The following MACROD2 variants were observed in gnomAD, a reference collection of about 807,000 sequenced individuals.
The protein encoded by MACROD2 is ADP-ribose glycohydrolase MACROD2.
In MACROD2, 36 loss-of-function variants were observed where a neutral mutation model predicts 70.4. That is an observed-to-expected ratio of 0.51 (90% confidence interval 0.39 to 0.68). The LOEUF (loss-of-function observed/expected upper bound fraction) is 0.68. MACROD2 is among the 30% of genes least tolerant of loss of function. MACROD2 has a pLI of 0.00. For missense variants in MACROD2, 496 were observed against 538.4 expected, an observed-to-expected ratio of 0.92 and a Z score of 0.78; for synonymous variants, 172 against 178.8, an observed-to-expected ratio of 0.96 and a Z score of 0.30.
chr20:14,517,734 A>AT (rs889218168), intron 4 of MACROD2, among the ~76,000 whole-genome samples: 22 of 152,048 alleles, frequency 1.4e-4, no homozygotes, highest in Non-Finnish European at 2.8e-4. Context: ...GTAGAAGTTC[A>AT]TTTTTTTCCA....
intron 13 of MACROD2, among the ~76,000 whole-genome samples, chr20:15,980,467 A>G (rs1250951451): frequency 6.6e-6 from 1 of 152,164 alleles, no homozygotes; most frequent in Non-Finnish European, 1.5e-5. Flanking sequence ...GTGCTGAAGC[A>G]TTTTGGTGAA....
chr20:15,714,182 T>C (rs2050674159), intron 8 of MACROD2, among the ~76,000 whole-genome samples: 1 of 152,144 alleles, frequency 6.6e-6, no homozygotes, highest in Admixed American at 6.5e-5. Flanking sequence ...CCTGCTGATA[T>C]ATCTGCTTAT....
intron 5 of MACROD2, among the ~76,000 whole-genome samples, chr20:14,839,392 T>C (rs1227922947): frequency 6.6e-6 from 1 of 152,128 alleles, no homozygotes; most frequent in African/African-American, 2.4e-5. Flanking sequence ...AAGCAGCTTT[T>C]GTCTTAAATT....
At chr20:15,872,827 G>A (rs1212450107) in intron 9 of MACROD2, among the ~76,000 whole-genome samples, 1 of 152,108 alleles carries the variant, frequency 6.6e-6, no homozygotes, top group Admixed American at 6.6e-5. Context: ...ATTACATTTT[G>A]TTGCTTATCC....
intron 3 of MACROD2, among the ~76,000 whole-genome samples, chr20:14,477,880 C>T (rs1008420450): frequency 6.6e-6 from 1 of 151,940 alleles, no homozygotes; most frequent in African/African-American, 2.4e-5. Context: ...AAACTAAGGG[C>T]AAAGAGGTAT....
At chr20:15,074,687 C>T (rs187791701) in intron 5 of MACROD2, among the ~76,000 whole-genome samples, 1 of 152,292 alleles carries the variant, frequency 6.6e-6, no homozygotes, top group Admixed American at 6.5e-5. Context: ...GTATCCACTG[C>T]AGAATTGATT....
intron 6 of MACROD2, among the ~76,000 whole-genome samples, chr20:15,285,559 G>T (rs1238177825): frequency 6.6e-6 from 1 of 152,036 alleles, no homozygotes; most frequent in Non-Finnish European, 1.5e-5. Context: ...CAATCTCATT[G>T]GTGAATTTTG....
intron 5 of MACROD2, among the ~76,000 whole-genome samples, chr20:14,896,649 T>TAAA (rs111803473): frequency 3.5e-5 from 5 of 142,756 alleles, no homozygotes; most frequent in South Asian, 2.2e-4. Flanking sequence ...TGAGTTTCCA[T>TAAA]AAAAAAAAAA....
At chr20:15,829,305 C>T (rs763313293) in intron 8 of MACROD2, among the ~76,000 whole-genome samples, 2 of 152,088 alleles carry the variant, frequency 1.3e-5, no homozygotes. Flanking sequence ...CTCTCCTATC[C>T]CAGGAAATCC....
chr20:14,171,316 A>G (rs527841116), intron 3 of MACROD2, among the ~76,000 whole-genome samples: 1 of 151,842 alleles, frequency 6.6e-6, no homozygotes, highest in South Asian at 2.1e-4. Context: ...TATCTTTTGT[A>G]TTACTATTTT....
intron 3 of MACROD2, among the ~76,000 whole-genome samples, chr20:14,405,557 T>A (rs1304800622): frequency 2.0e-5 from 3 of 152,216 alleles, no homozygotes; most frequent in Admixed American, 6.5e-5. Context: ...TTGAACTCAT[T>A]AGAAGATTAG....
intron 5 of MACROD2, among the ~76,000 whole-genome samples, chr20:15,227,821 C>CTTTTTTTTTTTT (rs1336974761): frequency 4.3e-4 from 6 of 13,876 alleles, no homozygotes; most frequent in South Asian, 2.4e-3. Flanking sequence ...AGAATTTCAC[C>CTTTTTTTTTTTT]TGTTTTTTTT....
intron 8 of MACROD2, among the ~76,000 whole-genome samples, chr20:15,686,208 A>C (rs1469685546): frequency 1.3e-5 from 2 of 152,162 alleles, no homozygotes; most frequent in African/African-American, 4.8e-5. Context: ...GGGTTGAGAC[A>C]TTTTTGCTAC....
intron 5 of MACROD2, among the ~76,000 whole-genome samples, chr20:14,879,868 G>T (rs1421682379): frequency 6.6e-6 from 1 of 152,100 alleles, no homozygotes; most frequent in Non-Finnish European, 1.5e-5. Context: ...GTTTCCAAAT[G>T]GACAGAGGTT....
chr20:14,990,398 A>G (rs1395346991), intron 5 of MACROD2, among the ~76,000 whole-genome samples: 1 of 151,872 alleles, frequency 6.6e-6, no homozygotes, highest in Non-Finnish European at 1.5e-5. Context: ...CTCTGAAGAC[A>G]GGGGCTCAAC....
chr20:15,758,064 A>T (rs890881810), intron 8 of MACROD2, among the ~76,000 whole-genome samples: 1 of 152,160 alleles, frequency 6.6e-6, no homozygotes, highest in African/African-American at 2.4e-5. Flanking sequence ...CAGAAGATAC[A>T]ATTACCATTG....
chr20:14,282,377 A>C (rs1345906116), intron 3 of MACROD2, among the ~76,000 whole-genome samples: 2 of 152,210 alleles, frequency 1.3e-5, no homozygotes, highest in African/African-American at 4.8e-5. Context: ...AGGAAGTTGA[A>C]GATGACTGAC....
At chr20:15,069,033 T>A (rs1265517367) in intron 5 of MACROD2, among the ~76,000 whole-genome samples, 2 of 152,012 alleles carry the variant, frequency 1.3e-5, no homozygotes, top group Non-Finnish European at 2.9e-5. Context: ...CAGATAAAAA[T>A]GAGGAAGTTA....
At chr20:15,156,570 A>G (rs1395701200) in intron 5 of MACROD2, among the ~76,000 whole-genome samples, 1 of 152,122 alleles carries the variant, frequency 6.6e-6, no homozygotes, top group Non-Finnish European at 1.5e-5. Context: ...CAAGTTAATT[A>G]CCCAAGTATC....
Sources: allele counts gnomAD v4.1 joint callset (sites outside exome capture counted in the v4.1 genomes callset), GRCh38; gene constraint gnomAD v4.1.1; transcripts MANE v1.5; gene names NCBI Gene and HGNC (gene_info 2026-07-23, HGNC 2026-07-21).